The following CSMD1 variants were observed in gnomAD, a reference collection of about 807,000 sequenced individuals.
CSMD1 encodes the protein CUB and Sushi multiple domains 1.
In CSMD1, 213 loss-of-function variants were observed where a neutral mutation model predicts 417.5. The ratio of observed to expected loss-of-function variants is 0.51; its 90% CI spans 0.46 to 0.57. The LOEUF is 0.57. Among genes scored for constraint, CSMD1 ranks in the 20% least tolerant of loss-of-function variants. CSMD1 has a pLI of 0.00. For synonymous variants in CSMD1, 2,862 were observed against 1,736.8 expected, an observed-to-expected ratio of 1.65 and a Z score of -16.11; for missense variants, 6,923 against 4,529.7, an observed-to-expected ratio of 1.53 and a Z score of -15.17.
At chr8:4,436,976 A>C (rs539746625) in intron 2 of CSMD1, among the ~76,000 whole-genome samples, 2 of 152,250 alleles carry the variant, frequency 1.3e-5, no homozygotes, top group East Asian at 3.9e-4. Flanking sequence ...CTGCAATTTG[A>C]ATTTCTTGCT....
At chr8:2,995,006 G>C (rs937095804) in intron 54 of CSMD1, among the ~76,000 whole-genome samples, 1 of 152,148 alleles carries the variant, frequency 6.6e-6, no homozygotes, top group Non-Finnish European at 1.5e-5. Flanking sequence ...TCTTGGCAGA[G>C]TTCTTAGACT....
At position 4,288,226 on chromosome 8, in the gene CSMD1, T is replaced by C. The variant is rs1225689558; in HGVS notation, c.415+131727A>G. On this transcript the variant is annotated intron_variant, in intron 3 of 69. Transcript: ENST00000635120. ...TGGATGGATTCGTCCACTCAGGGCC[T>C]GGCAGTGCTGGGTGCCTTCATGAGT... Among the ~76,000 whole-genome samples, 3 of 152,186 alleles carry C rather than the reference T, an allele frequency of 2.0e-5. No individual in the cohort carries two copies. In the East Asian group the frequency reaches 5.8e-4, roughly 29 times the overall value.
chr8:4,845,368 C>T (rs1435387000), intron 1 of CSMD1, among the ~76,000 whole-genome samples: 1 of 152,230 alleles, frequency 6.6e-6, no homozygotes, highest in Non-Finnish European at 1.5e-5. Context: ...CACCAACACA[C>T]ACCATACATG....
chr8:4,859,425 T>A (rs554918410), intron 1 of CSMD1, among the ~76,000 whole-genome samples: 1 of 152,134 alleles, frequency 6.6e-6, no homozygotes, highest in South Asian at 2.1e-4. Flanking sequence ...TGGGATCTAA[T>A]TAAGAGCTTC....
chr8:4,587,937 G>A (rs766721467), intron 2 of CSMD1, among the ~76,000 whole-genome samples: 2 of 152,186 alleles, frequency 1.3e-5, no homozygotes, highest in Admixed American at 1.3e-4. Context: ...AGTGATAGAA[G>A]GAGATTGTGT....
At chr8:3,750,998 G>A (rs1468744723) in intron 6 of CSMD1, among the ~76,000 whole-genome samples, 2 of 151,950 alleles carry the variant, frequency 1.3e-5, no homozygotes, top group Non-Finnish European at 1.5e-5. Context: ...TCCTCTCTCT[G>A]GTCCTTCTTC....
chr8:4,593,743 TA>T (rs1367107698), intron 2 of CSMD1, among the ~76,000 whole-genome samples: 2 of 152,180 alleles, frequency 1.3e-5, no homozygotes, highest in African/African-American at 4.8e-5. Context: ...AATTCCTAGC[TA>T]TATGCAACAT....
rs141265435 is a variant in CSMD1 at position 4,304,502 on chromosome 8, C to T, written c.415+115451G>A. 4.7e-3 allele frequency among the ~76,000 whole-genome samples: 710 copies of T among 152,236 alleles called. 6 individuals carry two copies. Among genetic ancestry groups the T allele is most frequent in the South Asian group, 0.01 (49 of 4,816 alleles). ...AGTCCCATCCTGACACAAACGTAAG[C>T]CTTACTGTTTCAGTGTCAGGACTGG... On this transcript the variant is annotated intron_variant, in intron 3 of 69. Coordinates refer to ENST00000635120, the MANE Select transcript of CSMD1 (RefSeq NM_033225.6).
intron 6 of CSMD1, among the ~76,000 whole-genome samples, chr8:3,740,464 A>C (rs1208531545): frequency 6.6e-6 from 1 of 152,206 alleles, no homozygotes; most frequent in Admixed American, 6.5e-5. Context: ...AGGAGAACTC[A>C]GAAGTGGGAG....
At chr8:3,099,379 C>T (rs989562242) in intron 46 of CSMD1, among the ~76,000 whole-genome samples, 7 of 152,150 alleles carry the variant, frequency 4.6e-5, no homozygotes, top group Non-Finnish European at 7.4e-5. Context: ...ATTTTGTAAG[C>T]TCAGGGCTGC....
intron 25 of CSMD1, among the ~76,000 whole-genome samples, chr8:3,306,769 C>T (rs1057059839): frequency 6.6e-6 from 1 of 151,908 alleles, no homozygotes; most frequent in Admixed American, 6.6e-5. Context: ...TTTAAAATTA[C>T]CTTTTGCCTT....
intron 2 of CSMD1, among the ~76,000 whole-genome samples, chr8:4,575,736 C>G (rs1241621058): frequency 1.3e-5 from 2 of 152,174 alleles, no homozygotes; most frequent in Non-Finnish European, 1.5e-5. Context: ...GAGAAGTATT[C>G]TTGATTTTCT....
intron 2 of CSMD1, among the ~76,000 whole-genome samples, chr8:4,460,625 G>C (rs531338289): frequency 3.3e-5 from 5 of 152,076 alleles, no homozygotes; most frequent in Non-Finnish European, 7.4e-5. Context: ...AAAAGGTAGA[G>C]AATATTACTA....
Position 2,942,574 on chromosome 8 carries a change from C to T in CSMD1, c.10433G>A (p.Ser3478Asn), listed in dbSNP as rs11984691. Residue 3478 changes from serine (S) to asparagine (N), a missense_variant, in exon 69 of 70, where the codon AGT becomes AAT. Ser to Asn is a conservative substitution (Grantham distance 46). Coordinates refer to ENST00000635120, the MANE Select transcript of CSMD1 (RefSeq NM_033225.6). The part of the protein sequence containing the change: ...DPLNPDQDSS[S>N]HYHGTSSGSV... The stretch of plus-strand genomic sequence containing the variant: ...GCCACTGCTGGTGCCGTGGTAATGA[C>T]TGGAAGAGTCTTGATCTGGGTTTAA... 37,804 of 1,600,802 alleles carry T rather than the reference C, an allele frequency of 0.024. 1,292 individuals carry two copies. The highest frequency in any genetic ancestry group is 0.16 in the African/African-American group (11,902 of 74,746).
At chr8:4,899,572 C>A (rs975104956) in intron 1 of CSMD1, among the ~76,000 whole-genome samples, 1 of 152,144 alleles carries the variant, frequency 6.6e-6, no homozygotes, top group Admixed American at 6.5e-5. Flanking sequence ...GTGATCTGGA[C>A]ACTGAAAGTC....
chr8:4,048,590 T>A (rs139079874), intron 3 of CSMD1, among the ~76,000 whole-genome samples: 152 of 152,306 alleles, frequency 1.0e-3, no homozygotes, highest in Non-Finnish European at 1.6e-3. Context: ...GCTCCAGAGT[T>A]TGTATACAAA....
chr8:3,401,907 C>A (rs1812061694), intron 15 of CSMD1, among the ~76,000 whole-genome samples: 1 of 151,002 alleles, frequency 6.6e-6, no homozygotes, highest in African/African-American at 2.4e-5. Context: ...ACAAAAAAAG[C>A]AAATATACCA....
chr8:3,991,228 A>G (rs940155), intron 5 of CSMD1, among the ~76,000 whole-genome samples: 41,069 of 152,106 alleles, frequency 0.27, 5,946 homozygotes, highest in East Asian at 0.47. Flanking sequence ...AAAGCCACCA[A>G]TCAAGTTAGA....
chr8:4,331,674 G>A (rs893892370), intron 3 of CSMD1, among the ~76,000 whole-genome samples: 1 of 152,100 alleles, frequency 6.6e-6, no homozygotes, highest in Non-Finnish European at 1.5e-5. Context: ...CCATCCCAGA[G>A]GCCCCAGTTA....
Sources: allele counts gnomAD v4.1 joint callset (sites outside exome capture counted in the v4.1 genomes callset), GRCh38; gene constraint gnomAD v4.1.1; transcripts MANE v1.5; gene names NCBI Gene and HGNC (gene_info 2026-07-23, HGNC 2026-07-21).